The following COMMD10 variants were observed in gnomAD, a reference collection of about 807,000 sequenced individuals.
COMMD10 encodes the protein COMM domain-containing protein 10.
A neutral mutation model predicts 28.9 loss-of-function variants in COMMD10; 33 were observed. The ratio of observed to expected loss-of-function variants is 1.14; its 90% CI spans 0.87 to 1.53. The LOEUF (loss-of-function observed/expected upper bound fraction) is 1.53. Ranked by LOEUF, COMMD10 falls within the 40% of genes most tolerant of loss-of-function variation. The probability of loss-of-function intolerance (pLI) is 0.00; values close to 1 mark genes in which losing one functional copy is unlikely to be tolerated. For missense variants in COMMD10, 310 were observed against 233.4 expected, an observed-to-expected ratio of 1.33 and a Z score of -2.14; for synonymous variants, 110 against 81.7, an observed-to-expected ratio of 1.35 and a Z score of -1.87.
chr5:116,186,906 A>G (rs1344875663), intron 5 of COMMD10, among the ~76,000 whole-genome samples: 2 of 152,166 alleles, frequency 1.3e-5, no homozygotes, highest in African/African-American at 4.8e-5. Flanking sequence ...TAGGCGCACA[A>G]CATATATACT....
intron 5 of COMMD10, among the ~76,000 whole-genome samples, chr5:116,191,056 C>T (rs1264905288): frequency 6.6e-6 from 1 of 152,058 alleles, no homozygotes; most frequent in Non-Finnish European, 1.5e-5. Flanking sequence ...TTCTGTCAAA[C>T]ATGAATGAAA....
At position 116,172,358 on chromosome 5, in the gene COMMD10, A is replaced by G. The variant is rs144130688; in HGVS notation, c.510+38180A>G. On this transcript the variant is annotated intron_variant, in intron 5 of 6. Coordinates refer to ENST00000274458, the MANE Select transcript of COMMD10 (RefSeq NM_016144.4). ...TCAGACAGAGGGAGCGAGTGATTATATGAAGAAAAATACTATGATGATACT... is the reference window on the plus strand; with the variant it reads ...TCAGACAGAGGGAGCGAGTGATTATGTGAAGAAAAATACTATGATGATACT... 5.6e-3 allele frequency among the ~76,000 whole-genome samples: 854 copies of G among 152,242 alleles called. 9 individuals are homozygous for G. The highest frequency in any genetic ancestry group is 6.8e-3 in the Middle Eastern group (2 of 294).
At chr5:116,094,780 T>C (rs1743058977) in intron 4 of COMMD10, among the ~76,000 whole-genome samples, 1 of 152,168 alleles carries the variant, frequency 6.6e-6, no homozygotes, top group South Asian at 2.1e-4. Flanking sequence ...TAAGTGTCCA[T>C]TAGTGGATGG....
At chr5:116,096,288 A>T (rs1220212185) in intron 4 of COMMD10, among the ~76,000 whole-genome samples, 2 of 149,232 alleles carry the variant, frequency 1.3e-5, no homozygotes, top group African/African-American at 4.9e-5. Context: ...CAGCTTATCA[A>T]TCCTGCCCTT....
intron 5 of COMMD10, among the ~76,000 whole-genome samples, chr5:116,240,087 A>G (rs1749773874): frequency 6.6e-6 from 1 of 152,188 alleles, no homozygotes; most frequent in East Asian, 1.9e-4. Flanking sequence ...GGCAGAAAAT[A>G]GTAGATCACT....
At chr5:116,260,862 G>C (rs1055145871) in intron 5 of COMMD10, among the ~76,000 whole-genome samples, 1 of 151,682 alleles carries the variant, frequency 6.6e-6, no homozygotes, top group Non-Finnish European at 1.5e-5. Context: ...TATTTACATA[G>C]GGTTTATTTG....
chr5:116,155,122 A>C (rs1051655907), intron 5 of COMMD10, among the ~76,000 whole-genome samples: 2 of 152,148 alleles, frequency 1.3e-5, no homozygotes, highest in African/African-American at 4.8e-5. Context: ...TGACTGAGTA[A>C]ACAGCAGATT....
At chr5:116,206,577 G>T (rs1217453431) in intron 5 of COMMD10, among the ~76,000 whole-genome samples, 2 of 151,962 alleles carry the variant, frequency 1.3e-5, no homozygotes, top group African/African-American at 4.8e-5. Flanking sequence ...GCTTGAATCC[G>T]GGAGGCAGAG....
rs139937328 is a variant in COMMD10 at position 116,229,279 on chromosome 5, G to T, written c.511-62238G>T. Among the ~76,000 whole-genome samples, 392 of 151,978 alleles carry T rather than the reference G, an allele frequency of 2.6e-3. 1 individual carries two copies. The highest frequency in any genetic ancestry group is 4.4e-3 in the Non-Finnish European group (301 of 67,908). On this transcript the variant is annotated intron_variant, in intron 5 of 6. Coordinates refer to ENST00000274458, the MANE Select transcript of COMMD10 (RefSeq NM_016144.4). ...GGCTTAGTCTGATACAGGCATTTTG[G>T]GTTCAGTCTCTAGGGACAGGTATTC...
At chr5:116,291,684 T>C in intron 6 of COMMD10, 108 bp downstream of exon 6, 1 of 608,572 alleles carries the variant, frequency 1.6e-6, no homozygotes, top group South Asian at 2.3e-5. Context: ...ACTAAGTTCT[T>C]TAAACTTCCC....
chr5:116,135,201 C>T (rs1288554323), intron 5 of COMMD10, among the ~76,000 whole-genome samples: 1 of 152,054 alleles, frequency 6.6e-6, no homozygotes, highest in Non-Finnish European at 1.5e-5. Flanking sequence ...TAGAGAAGAT[C>T]TGAGGCAGGA....
intron 5 of COMMD10, among the ~76,000 whole-genome samples, chr5:116,138,136 C>T (rs1276632145): frequency 6.6e-6 from 1 of 151,580 alleles, no homozygotes; most frequent in Non-Finnish European, 1.5e-5. Flanking sequence ...TATTTATTTC[C>T]ATAAACAAAA....
chr5:116,279,274 AAGTTTAG>A lies in COMMD10; in HGVS notation c.511-12237_511-12231del, dbSNP rs1323966184. Among the ~76,000 whole-genome samples, 2 of 151,884 alleles carry A rather than the reference AAGTTTAG, an allele frequency of 1.3e-5. 1 individual carries two copies. The highest frequency in any genetic ancestry group is 4.9e-5 in the African/African-American group (2 of 41,212). ...TGGAAGTCTTGAATGCTATGCTAAC[AAGTTTAG>A]AGTTTTTGCTGCTTACATTCTTAAA... On this transcript the variant is annotated intron_variant, in intron 5 of 6. Coordinates refer to ENST00000274458, the MANE Select transcript of COMMD10 (RefSeq NM_016144.4).
intron 5 of COMMD10, among the ~76,000 whole-genome samples, chr5:116,136,646 G>A (rs1369349176): frequency 2.6e-5 from 4 of 152,128 alleles, no homozygotes. Flanking sequence ...ATGTTAATAA[G>A]ACATTCAGAT....
At chr5:116,129,246 A>G (rs184668828) in intron 4 of COMMD10, among the ~76,000 whole-genome samples, 4 of 151,006 alleles carry the variant, frequency 2.6e-5, no homozygotes, top group African/African-American at 4.8e-5. Context: ...AATTGTTTAC[A>G]TTTGTTTTAC....
chr5:116,194,806 T>G (rs1262009556), intron 5 of COMMD10, among the ~76,000 whole-genome samples: 2 of 152,128 alleles, frequency 1.3e-5, no homozygotes, highest in Admixed American at 6.6e-5. Context: ...CCTTCCTAAT[T>G]AATTATGTGA....
In COMMD10 at chr5:116,284,976, A is replaced by T. The variant is rs1237649827; in HGVS notation, c.511-6541A>T. Among the ~76,000 whole-genome samples, 2 of 151,928 alleles carry T rather than the reference A, an allele frequency of 1.3e-5. 1 individual carries two copies. The highest frequency in any genetic ancestry group is 4.9e-5 in the African/African-American group (2 of 41,222). ...AGATAAATTGTTTGAAAATCCACTT[A>T]ATTGATGGATAAAACCTTCTGTACA... On this transcript the variant is annotated intron_variant, in intron 5 of 6. Coordinates refer to ENST00000274458, the MANE Select transcript of COMMD10 (RefSeq NM_016144.4).
chr5:116,138,293 G>A (rs1219388810), intron 5 of COMMD10, among the ~76,000 whole-genome samples: 1 of 151,618 alleles, frequency 6.6e-6, no homozygotes, highest in Non-Finnish European at 1.5e-5. Context: ...TCTGTCACTT[G>A]TATTAATTTC....
intron 5 of COMMD10, among the ~76,000 whole-genome samples, chr5:116,185,385 A>G (rs974503904): frequency 2.0e-5 from 3 of 152,124 alleles, no homozygotes; most frequent in African/African-American, 4.8e-5. Flanking sequence ...CTGTTTTACC[A>G]TTTGTATTTC....
Sources: gnomAD v4.1 joint callset for allele counts (sites outside exome capture counted in the v4.1 genomes callset) on GRCh38, gnomAD v4.1.1 for gene constraint, MANE v1.5 for transcripts, NCBI Gene and HGNC (gene_info 2026-07-23, HGNC 2026-07-21) for gene names.